Variants in UBE2V2 observed in about 807,000 individuals in gnomAD.
UBE2V2 encodes ubiquitin conjugating enzyme E2 V2.
UBE2V2 carries 9 observed loss-of-function variants against 17.2 expected under a neutral mutation model. The observed-to-expected ratio is 0.52, with a 90% CI of 0.32 to 0.91. The LOEUF is 0.91. Among genes scored for constraint, UBE2V2 ranks in the 40% least tolerant of loss-of-function variants. UBE2V2 has a pLI of 0.04. For missense variants in UBE2V2, 133 were observed against 182.6 expected (o/e 0.73, Z 1.56); for synonymous variants, 61 against 57.5 (o/e 1.06, Z -0.28).
At chr8:48,035,553 T>C (rs1278331289) in intron 1 of UBE2V2, among the ~76,000 whole-genome samples, 1 of 151,380 alleles carries the variant, frequency 6.6e-6, no homozygotes, top group Non-Finnish European at 1.5e-5. Context: ...CCTGTTTTTT[T>C]GTCCTGAGGG....
upstream of UBE2V2, among the ~76,000 whole-genome samples, chr8:48,005,154 T>C (rs1205462985): frequency 1.3e-5 from 2 of 151,926 alleles, no homozygotes; most frequent in Non-Finnish European, 2.9e-5. Flanking sequence ...TTTCTCCTAA[T>C]GCTATCCCTC....
intron 1 of UBE2V2, among the ~76,000 whole-genome samples, chr8:48,022,694 A>G (rs933224954): frequency 3.3e-5 from 5 of 152,120 alleles, no homozygotes; most frequent in Admixed American, 3.3e-4. Flanking sequence ...TCTTGTGGTG[A>G]TAAACTCCTT....
chr8:48,055,404 T>C (rs560424145), intron 3 of UBE2V2, among the ~76,000 whole-genome samples: 1 of 152,068 alleles, frequency 6.6e-6, no homozygotes, highest in East Asian at 1.9e-4. Context: ...TTTCACTATG[T>C]TGGCCAGGCT....
chr8:48,002,909 T>G, the UBE2V2 span, among the ~76,000 whole-genome samples: 3 of 151,056 alleles, frequency 2.0e-5, no homozygotes, highest in African/African-American at 7.3e-5. Context: ...TATCATGTCG[T>G]TAAAAAAGAA....
chr8:48,008,443 CT>C lies in UBE2V2; in HGVS notation c.-11del. On this transcript the variant is annotated 5_prime_UTR_variant, in exon 1 of 4. Coordinates refer to ENST00000523111, the MANE Select transcript of UBE2V2 (RefSeq NM_003350.3). ...CGTGCGTGCGGGCGGCTGCGTCGGGCTGCAGGAGAAGATGGCGGTCTCCACA... is the reference window on the plus strand; with the variant it reads ...CGTGCGTGCGGGCGGCTGCGTCGGGCGCAGGAGAAGATGGCGGTCTCCACA... 1.3e-6 allele frequency: 2 copies of C among 1,566,256 alleles called. No homozygotes were observed. The highest frequency in any genetic ancestry group is 1.7e-6 in the Non-Finnish European group (2 of 1,158,646).
chr8:48,058,992 C>T (rs1039200874), intron 3 of UBE2V2, among the ~76,000 whole-genome samples: 28 of 152,038 alleles, frequency 1.8e-4, no homozygotes, highest in Non-Finnish European at 3.5e-4. Flanking sequence ...CTGCAACCTC[C>T]GCCTCCCAGA....
In UBE2V2 at chr8:48,063,191, A is replaced by G. The variant is rs1802620857; in HGVS notation, c.*2363A>G. On this transcript the variant is annotated 3_prime_UTR_variant, in exon 4 of 4. Transcript: ENST00000523111. ...AGTACATGTTGTCAGAGTCAGCCCT[A>G]TAATGTTCATTTCCCCTCTTGTTTG... 6.6e-6 allele frequency: 1 copy of G among 152,152 alleles called. No individual in the cohort carries two copies. Among genetic ancestry groups the G allele is most frequent in the South Asian group, 2.1e-4 (1 of 4,834 alleles). 9.4% of individuals were successfully genotyped at this position (152,152 alleles called of 1,614,324 possible).
rs201716659 is a variant in UBE2V2, at chr8:48,035,631, T to TTGTGTG, written c.17-7378_17-7373dup. 8.2e-3 allele frequency among the ~76,000 whole-genome samples: 901 copies of TTGTGTG among 109,524 alleles called. 73 individuals carry two copies. The Admixed American group carries it at 0.085, about 10-fold the overall frequency. 71.9% of individuals were successfully genotyped at this position (109,524 alleles called of 152,430 possible). A position where few individuals can be genotyped will look rare whatever the true frequency, so the allele number is the denominator to read the frequency against. Reference sequence around the variant, plus strand: ...TTTAAAAATTATTGTTTTTTTTTTTTTGTGTGTGTGTGTGTGTGTGTGTGT... The same window carrying TTGTGTG: ...TTTAAAAATTATTGTTTTTTTTTTTTTGTGTGTGTGTGTGTGTGTGTGTGTGTGTGT... On this transcript the variant is annotated intron_variant, in intron 1 of 3. Transcript: ENST00000523111.
intron 1 of UBE2V2, among the ~76,000 whole-genome samples, chr8:48,009,617 T>A (rs1277207073): frequency 6.6e-6 from 1 of 152,192 alleles, no homozygotes; most frequent in Non-Finnish European, 1.5e-5. Context: ...AGCAGTGTGA[T>A]TTAATAGTTT....
chr8:48,060,136 G>A (rs1014577859), intron 3 of UBE2V2, among the ~76,000 whole-genome samples: 16 of 150,788 alleles, frequency 1.1e-4, no homozygotes, highest in Non-Finnish European at 2.4e-4. Flanking sequence ...CTTGAACCTG[G>A]GAGGCGGAAG....
intron 3 of UBE2V2, among the ~76,000 whole-genome samples, chr8:48,054,997 A>G (rs1014829980): frequency 1.3e-5 from 2 of 150,218 alleles, no homozygotes; most frequent in Admixed American, 1.3e-4. Flanking sequence ...TTTAACTACC[A>G]TTTACAGCTG....
chr8:48,032,660 G>A (rs906963018), intron 1 of UBE2V2, among the ~76,000 whole-genome samples: 4 of 152,124 alleles, frequency 2.6e-5, no homozygotes, highest in Non-Finnish European at 4.4e-5. Flanking sequence ...GGAGGCTGAC[G>A]TGGAAGGATC....
intron 3 of UBE2V2, among the ~76,000 whole-genome samples, chr8:48,056,178 A>C: frequency 6.6e-6 from 1 of 152,156 alleles, no homozygotes; most frequent in East Asian, 1.9e-4. Context: ...TGTATTGTGT[A>C]TTGGTACTTT....
At position 48,062,047 on chromosome 8, in the gene UBE2V2, A is replaced by G. The variant is rs1445758664; in HGVS notation, c.*1219A>G. On this transcript the variant is annotated 3_prime_UTR_variant, in exon 4 of 4. Coordinates refer to ENST00000523111, the MANE Select transcript of UBE2V2 (RefSeq NM_003350.3). ...CTACTCTAACAAATATGAACTCTGA[A>G]GTTGAAAAGTCATTTATGTTCCGCT... The G allele has an allele frequency of 6.6e-6, 1 of 152,194 alleles. No homozygotes were observed. The highest frequency in any genetic ancestry group is 1.5e-5 in the Non-Finnish European group (1 of 68,032). 9.4% of individuals were successfully genotyped at this position (152,194 alleles called of 1,614,324 possible). A position where few individuals can be genotyped will look rare whatever the true frequency, so the allele number is the denominator to read the frequency against.
At chr8:48,013,609 C>G (rs1257608265) in intron 1 of UBE2V2, among the ~76,000 whole-genome samples, 1 of 152,096 alleles carries the variant, frequency 6.6e-6, no homozygotes, top group African/African-American at 2.4e-5. Context: ...GCGCCCGGCC[C>G]ACATGAAACG....
At chr8:48,046,935 G>A (rs556540504) in intron 2 of UBE2V2, among the ~76,000 whole-genome samples, 57 of 151,396 alleles carry the variant, frequency 3.8e-4, no homozygotes, top group Middle Eastern at 3.4e-3. Context: ...TATTGACTAA[G>A]GTCCCTCTTT....
chr8:48,051,541 TAAC>T (rs2091538562), intron 3 of UBE2V2, among the ~76,000 whole-genome samples: 1 of 152,332 alleles, frequency 6.6e-6, no homozygotes, highest in African/African-American at 2.4e-5. Flanking sequence ...GAGTTTATAC[TAAC>T]AACTCCCACT....
intron 1 of UBE2V2, among the ~76,000 whole-genome samples, chr8:48,017,495 T>C (rs905548043): frequency 6.6e-6 from 1 of 151,898 alleles, no homozygotes; most frequent in Non-Finnish European, 1.5e-5. Context: ...TGCTTCAGCC[T>C]CCTAAGTAGC....
the UBE2V2 span, among the ~76,000 whole-genome samples, chr8:48,000,821 C>CAAAAAA: frequency 1.5e-4 from 3 of 20,520 alleles, no homozygotes; most frequent in Non-Finnish European, 3.3e-4. Flanking sequence ...GACTTTGCCT[C>CAAAAAA]AAAAAAAAAA....
Sources: allele counts gnomAD v4.1 joint callset (sites outside exome capture counted in the v4.1 genomes callset), GRCh38; gene constraint gnomAD v4.1.1; transcripts MANE v1.5; gene names NCBI Gene and HGNC (gene_info 2026-07-23, HGNC 2026-07-21).